The following ESPNL variants were observed in gnomAD, a reference collection of about 807,000 sequenced individuals.
ESPNL encodes espin-like protein.
ESPNL carries 49 observed loss-of-function variants against 46.8 expected under a neutral mutation model. The ratio of observed to expected loss-of-function variants is 1.05; its 90% confidence interval spans 0.83 to 1.33. The LOEUF is 1.33. Ranked by LOEUF, ESPNL falls within the 40% of genes most tolerant of loss-of-function variation. ESPNL has a pLI of 0.00. For missense variants in ESPNL, 1,540 were observed against 1,436.6 expected (o/e 1.07, Z -1.16); for synonymous variants, 664 against 662.1 (o/e 1.00, Z -0.04).
At chr2:238,100,825 C>T (rs997379478) in intron 1 of ESPNL, 112 bp downstream of exon 1, 1 of 925,430 alleles carries the variant, frequency 1.1e-6, no homozygotes, top group African/African-American at 1.7e-5. Flanking sequence ...TGGCCCTGGG[C>T]CCTTTGTTTC....
chr2:238,126,995 GTGAT>G (rs1692148281), intron 6 of ESPNL, among the ~76,000 whole-genome samples: 2 of 151,536 alleles, frequency 1.3e-5, no homozygotes, highest in South Asian at 2.1e-4. Flanking sequence ...CTATCTGTGT[GTGAT>G]TGTGTATCTG....
intron 3 of ESPNL, among the ~76,000 whole-genome samples, chr2:238,107,423 TGAA>T (rs1691620126): frequency 6.6e-6 from 1 of 152,144 alleles, no homozygotes; most frequent in Admixed American, 6.5e-5. Flanking sequence ...TCGGGCCAAA[TGAA>T]GTTCTTCCCT....
chr2:238,127,510 C>T, intron 6 of ESPNL, 112 bp from the exon 7 acceptor site: 1 of 1,437,426 alleles, frequency 7.0e-7, no homozygotes, highest in Non-Finnish European at 9.2e-7. Context: ...CAGCTCCCAG[C>T]TCGCAGATCG....
rs770251557 is a variant in ESPNL at position 238,130,404 on chromosome 2, G to A, written c.1690G>A (p.Glu564Lys). The change falls in exon 9 of 9, where the codon GAG becomes AAG. Residue 564 changes from glutamate to lysine, a missense_variant. Transcript: ENST00000343063. ...FLPRAPGLEV[E>K]EASIPAAEPA... ...GCCCCGGGCGCCCGGACTGGAGGTT[G>A]AGGAGGCCTCAATCCCAGCGGCTGA... 1.2e-6 allele frequency: 2 copies of A among 1,610,758 alleles called. No homozygotes were observed. The highest frequency in any genetic ancestry group is 1.7e-6 in the Non-Finnish European group (2 of 1,179,172).
At position 238,104,821 on chromosome 2, in the gene ESPNL, C is replaced by A; in HGVS notation, c.651C>A (p.His217Gln). Residue 217 changes from histidine to glutamine, a missense_variant, in exon 3 of 9, where the codon CAC (histidine) becomes CAA (glutamine). Coordinates refer to ENST00000343063, the MANE Select transcript of ESPNL (RefSeq NM_194312.4). ...TGCACGCTGCCGCCGCCCGTGGCCA[C>A]TACTCCCTCGTCGTCTGGCTGGTAA... Reference protein sequence around the residue: ...SALHAAAARGHYSLVVWLVTF... With the variant: ...SALHAAAARGQYSLVVWLVTF... The A allele has an allele frequency of 6.5e-7, 1 of 1,539,662 alleles. No individual in the cohort carries two copies. Among genetic ancestry groups the A allele is most frequent in the Non-Finnish European group, 8.7e-7 (1 of 1,143,918 alleles).
chr2:238,128,767 G>T lies in ESPNL; in HGVS notation c.1276G>T (p.Gly426Trp). The T allele has an allele frequency of 6.3e-7, 1 of 1,593,874 alleles. No homozygotes were observed. ...TGGCCTGGCCGCACTACAGCTGGAT[G>T]GGCTGCCCTCAGGCGACATCGACGG... ...SDGLAALQLD[G>W]LPSGDIDGLV... is the part of the protein sequence containing the mutation. The change falls in exon 8 of 9, where the codon GGG becomes TGG. Residue 426 changes from glycine to tryptophan, a missense_variant. By Grantham distance (184) the Gly-to-Trp change is radical. Coordinates refer to ENST00000343063, the MANE Select transcript of ESPNL (RefSeq NM_194312.4).
Position 238,130,780 on chromosome 2 carries a change from C to T in ESPNL, c.2066C>T (p.Pro689Leu), listed in dbSNP as rs1357474502. The change falls in exon 9 of 9, where the codon CCA becomes CTA. Residue 689 changes from proline to leucine, a missense_variant. Pro to Leu is a moderately conservative substitution (Grantham distance 98). Coordinates refer to ENST00000343063, the MANE Select transcript of ESPNL (RefSeq NM_194312.4). ...AGGCAGTGCCTGAGTGGCTGCTGGC[C>T]AGCCCTGCCTAAGCCCCGCAGTGGC... ...QHRQCLSGCW[P>L]ALPKPRSGLA... The T allele has an allele frequency of 3.2e-6, 5 of 1,546,894 alleles. No homozygotes were observed. The Admixed American group carries it at 7.7e-5, about 24-fold the overall frequency.
rs1440299766 is a variant in ESPNL, at chr2:238,130,794, C to T, written c.2080C>T (p.Pro694Ser). 1.3e-6 allele frequency: 2 copies of T among 1,544,214 alleles called. No homozygotes were observed. The highest frequency in any genetic ancestry group is 1.7e-6 in the Non-Finnish European group (2 of 1,149,228). ...TGGCTGCTGGCCAGCCCTGCCTAAG[C>T]CCCGCAGTGGCCTGGCTTCAGGGGA... ...LSGCWPALPK[P>S]RSGLASGEPR... The change falls in exon 9 of 9, where the codon CCC (proline) becomes TCC (serine). Residue 694 changes from proline (P) to serine (S), a missense_variant. Physicochemically the swap from Pro to Ser is moderately conservative, Grantham distance 74 (BLOSUM62 -1). Transcript: ENST00000343063.
chr2:238,109,392 G>A (rs1691668362), intron 4 of ESPNL, among the ~76,000 whole-genome samples: 1 of 152,204 alleles, frequency 6.6e-6, no homozygotes, highest in East Asian at 1.9e-4. Context: ...TCTTACTGTG[G>A]AATTCAAAAC....
intron 5 of ESPNL, among the ~76,000 whole-genome samples, chr2:238,120,840 G>A (rs1454197692): frequency 6.6e-6 from 1 of 152,226 alleles, no homozygotes; most frequent in Non-Finnish European, 1.5e-5. Flanking sequence ...TGATGGGAAT[G>A]CAGTCCGCAG....
chr2:238,110,863 A>T (rs1023858000), intron 4 of ESPNL, among the ~76,000 whole-genome samples: 16 of 152,200 alleles, frequency 1.1e-4, no homozygotes, highest in African/African-American at 3.9e-4. Context: ...ATGTCAAAAC[A>T]ATGAGTTGAT....
intron 5 of ESPNL, among the ~76,000 whole-genome samples, chr2:238,117,281 C>T (rs1427179288): frequency 6.6e-6 from 1 of 152,086 alleles, no homozygotes; most frequent in East Asian, 1.9e-4. Flanking sequence ...AGGGGTGGGG[C>T]CAGGGCTGTG....
chr2:238,127,820 C>A, intron 7 of ESPNL, 86 bp downstream of exon 7: 1 of 1,027,830 alleles, frequency 9.7e-7, no homozygotes, highest in African/African-American at 1.6e-5. Context: ...GAGAAGCCCC[C>A]AGCACAGCCA....
Position 238,131,049 on chromosome 2 carries a change from G to T in ESPNL, c.2335G>T (p.Ala779Ser), listed in dbSNP as rs773657406. ...CGCGGGGTTGCGGGGCCAGGAGGCC[G>T]CCAGGAGCCCTGGGCCACCCTCCCC... Reference protein sequence around the residue: ...RHAGLRGQEAARSPGPPSPPS... With the variant: ...RHAGLRGQEASRSPGPPSPPS... Residue 779 changes from alanine to serine, a missense_variant, in exon 9 of 9, where the codon GCC (alanine) becomes TCC (serine). Transcript: ENST00000343063. 2.6e-6 allele frequency: 4 copies of T among 1,537,658 alleles called. No individual in the cohort carries two copies. Among genetic ancestry groups the T allele is most frequent in the East Asian group, 4.9e-5 (2 of 40,742 alleles).
Position 238,128,764 on chromosome 2 carries a change from G to A in ESPNL, c.1273G>A (p.Asp425Asn), listed in dbSNP as rs1055579327. 6.3e-7 allele frequency: 1 copy of A among 1,595,300 alleles called. No homozygotes were observed. The highest frequency in any genetic ancestry group is 8.5e-7 in the Non-Finnish European group (1 of 1,171,896). The change falls in exon 8 of 9, where the codon GAT becomes AAT. Residue 425 changes from aspartate to asparagine, a missense_variant. Asp to Asn is a conservative substitution (Grantham distance 23). Transcript: ENST00000343063. ...AGATGGCCTGGCCGCACTACAGCTG[G>A]ATGGGCTGCCCTCAGGCGACATCGA... Reference protein sequence around the residue: ...TSDGLAALQLDGLPSGDIDGL... With the variant: ...TSDGLAALQLNGLPSGDIDGL...
rs201712290 is a variant in ESPNL, at chr2:238,130,124, C to T, written c.1414-4C>T. 6.2e-7 allele frequency: 1 copy of T among 1,605,746 alleles called. No individual in the cohort carries two copies. The highest frequency in any genetic ancestry group is 8.5e-7 in the Non-Finnish European group (1 of 1,174,958). ...CCTGCTCACCCTGCCCTTCCTGTGC[C>T]CAGGACAATGGTGGGAGCTCAGGCC... is the stretch of plus-strand genomic sequence containing the variant. On this transcript the variant is annotated splice_polypyrimidine_tract_variant and splice_region_variant and intron_variant, in intron 8 of 8. Coordinates refer to ENST00000343063, the MANE Select transcript of ESPNL (RefSeq NM_194312.4).
chr2:238,123,083 G>C (rs577322301), intron 5 of ESPNL, among the ~76,000 whole-genome samples: 1 of 152,298 alleles, frequency 6.6e-6, no homozygotes, highest in South Asian at 2.1e-4. Context: ...GTTGGGTCCC[G>C]ATGGCAGCTG....
At chr2:238,102,493 G>C (rs910240984) in intron 2 of ESPNL, among the ~76,000 whole-genome samples, 1 of 152,186 alleles carries the variant, frequency 6.6e-6, no homozygotes, top group African/African-American at 2.4e-5. Context: ...CTGGCAACCT[G>C]TGAGGGCACC....
chr2:238,101,989 G>A lies in ESPNL; in HGVS notation c.343G>A (p.Gly115Arg). 3 of 1,610,598 alleles carry A rather than the reference G, an allele frequency of 1.9e-6. No homozygotes were observed. Among genetic ancestry groups the A allele is most frequent in the Non-Finnish European group, 2.5e-6 (3 of 1,179,694 alleles). The change falls in exon 2 of 9, where the codon GGA becomes AGA. Residue 115 changes from glycine to arginine, a missense_variant. Physicochemically the swap from Gly to Arg is moderately radical, Grantham distance 125 (BLOSUM62 -2). Transcript: ENST00000343063. ...VSPLHLAARF[G>R]HPVLVEWLLH... is the part of the protein sequence containing the mutation. ...CCCGCTGCACCTGGCCGCCCGTTTT[G>A]GACACCCAGTGCTGGTGGAGTGGCT...
Sources: gnomAD v4.1 joint callset for allele counts (sites outside exome capture counted in the v4.1 genomes callset) on GRCh38, gnomAD v4.1.1 for gene constraint, MANE v1.5 for transcripts, NCBI Gene and HGNC (gene_info 2026-07-23, HGNC 2026-07-21) for gene names.